The following PRKCE variants were observed in gnomAD, a reference collection of about 807,000 sequenced individuals.
PRKCE encodes the protein protein kinase C epsilon, also known as protein kinase C epsilon type.
PRKCE carries 16 observed loss-of-function variants against 85.4 expected under a neutral mutation model. The ratio of observed to expected loss-of-function variants is 0.19; its 90% confidence interval spans 0.13 to 0.28. PRKCE has a LOEUF of 0.28. Ranked by LOEUF, PRKCE falls within the 10% of genes least tolerant of loss-of-function variation. The pLI is 1.00. For missense variants in PRKCE, 573 were observed against 975.2 expected, an observed-to-expected ratio of 0.59 and a Z score of 5.49; for synonymous variants, 388 against 371.5, an observed-to-expected ratio of 1.04 and a Z score of -0.51.
chr2:45,981,061 G>T (rs143562277), intron 5 of PRKCE, among the ~76,000 whole-genome samples: 4 of 152,288 alleles, frequency 2.6e-5, no homozygotes, highest in African/African-American at 9.6e-5. Context: ...ACTGCACTAC[G>T]TTGTCTCTTA....
intron 1 of PRKCE, among the ~76,000 whole-genome samples, chr2:45,653,240 A>T (rs1447602023): frequency 1.3e-5 from 2 of 152,192 alleles, no homozygotes; most frequent in Non-Finnish European, 1.5e-5. Flanking sequence ...TGATTCCATT[A>T]TTAAACTATT....
intron 1 of PRKCE, among the ~76,000 whole-genome samples, chr2:45,655,568 G>T (rs1170136766): frequency 6.6e-6 from 1 of 152,138 alleles, no homozygotes; most frequent in African/African-American, 2.4e-5. Context: ...GCTCATGCCT[G>T]CAATCCCAAC....
chr2:45,782,502 C>T (rs1686268381), intron 1 of PRKCE, among the ~76,000 whole-genome samples: 1 of 152,166 alleles, frequency 6.6e-6, no homozygotes, highest in South Asian at 2.1e-4. Flanking sequence ...ACATATCCCA[C>T]ACGCGTCATA....
At chr2:46,102,793 A>G (rs1391007683) in intron 11 of PRKCE, among the ~76,000 whole-genome samples, 1 of 152,206 alleles carries the variant, frequency 6.6e-6, no homozygotes, top group African/African-American at 2.4e-5. Context: ...GGAATACCTC[A>G]GAGGTGAAGT....
chr2:45,677,923 G>A, intron 1 of PRKCE: 1 of 983,314 alleles, frequency 1.0e-6, no homozygotes, highest in Non-Finnish European at 1.2e-6. Flanking sequence ...ACCGGTAGGA[G>A]CATATCAGTA....
At chr2:45,997,762 G>T (rs922821331) in intron 6 of PRKCE, among the ~76,000 whole-genome samples, 2 of 152,138 alleles carry the variant, frequency 1.3e-5, no homozygotes, top group Non-Finnish European at 2.9e-5. Flanking sequence ...GGCCAGGCTG[G>T]TCTCAAACTC....
chr2:45,760,556 A>C (rs1684383060), intron 1 of PRKCE, among the ~76,000 whole-genome samples: 1 of 152,208 alleles, frequency 6.6e-6, no homozygotes, highest in African/African-American at 2.4e-5. Flanking sequence ...ATTGAACACC[A>C]AGGCGTGACA....
At chr2:45,836,381 C>T (rs1206146728) in intron 1 of PRKCE, among the ~76,000 whole-genome samples, 1 of 152,210 alleles carries the variant, frequency 6.6e-6, no homozygotes, top group African/African-American at 2.4e-5. Flanking sequence ...CTGCACACTA[C>T]CAATAGAGCA....
chr2:45,965,988 G>A (rs1701703030), intron 2 of PRKCE, among the ~76,000 whole-genome samples: 1 of 152,096 alleles, frequency 6.6e-6, no homozygotes, highest in African/African-American at 2.4e-5. Flanking sequence ...AAGGGCAGAT[G>A]TGTGGGGAGG....
intron 2 of PRKCE, among the ~76,000 whole-genome samples, chr2:45,918,887 G>T (rs59062717): frequency 0.01 from 1,553 of 152,268 alleles, 29 homozygotes; most frequent in African/African-American, 0.034. Context: ...GAGGTTGGAG[G>T]GTCTCACAGC....
intron 13 of PRKCE, among the ~76,000 whole-genome samples, chr2:46,152,491 C>T (rs1676742900): frequency 6.6e-6 from 1 of 151,764 alleles, no homozygotes; most frequent in African/African-American, 2.4e-5. Flanking sequence ...CTGTATTTTA[C>T]AAAGAAATTT....
intron 1 of PRKCE, among the ~76,000 whole-genome samples, chr2:45,669,182 T>C (rs1262878854): frequency 1.3e-5 from 2 of 152,138 alleles, no homozygotes; most frequent in African/African-American, 4.8e-5. Context: ...TATCACTGCT[T>C]ATCATATGAC....
In PRKCE at chr2:45,798,460, A is replaced by G. The variant is rs137925635; in HGVS notation, c.349-44540A>G. ...TTTTGTGGGACCTCCTGTAGGCGCT[A>G]AGGGAGAGCCATATACAATGTGTCC... On this transcript the variant is annotated intron_variant, in intron 1 of 14. Transcript: ENST00000306156. 3.8e-4 allele frequency among the ~76,000 whole-genome samples: 58 copies of G among 152,296 alleles called. No individual in the cohort carries two copies. The Middle Eastern group carries it at 0.01, about 27-fold the overall frequency.
intron 2 of PRKCE, among the ~76,000 whole-genome samples, chr2:45,891,078 A>T (rs1695687803): frequency 1.3e-5 from 2 of 152,132 alleles, no homozygotes; most frequent in South Asian, 4.1e-4. Flanking sequence ...GTTGGGTTTG[A>T]TATTGTGGTT....
In PRKCE at chr2:46,004,453, C is replaced by A; in HGVS notation, c.967-89C>A. 1.8e-6 allele frequency: 2 copies of A among 1,081,496 alleles called. No individual in the cohort carries two copies. The highest frequency in any genetic ancestry group is 2.7e-6 in the Non-Finnish European group (2 of 735,814). 67.0% of individuals were successfully genotyped at this position (1,081,496 alleles called of 1,614,324 possible). ...CCTGCTGCTCTGGGAACTCTCATGG[C>A]TCTTATACGGCATCTTGATGCTTTT... On this transcript the variant is annotated intron_variant, in intron 7 of 14. Coordinates refer to ENST00000306156, the MANE Select transcript of PRKCE (RefSeq NM_005400.3). The surrounding 1 kb of genome is among the most constrained non-coding windows in gnomAD (Gnocchi z 4.1).
intron 1 of PRKCE, among the ~76,000 whole-genome samples, chr2:45,694,750 G>A (rs1308388990): frequency 6.6e-6 from 1 of 152,190 alleles, no homozygotes; most frequent in Non-Finnish European, 1.5e-5. Context: ...TATGCTGGAA[G>A]CAATGTGGTG....
chr2:45,797,862 G>A (rs1396026685), intron 1 of PRKCE, among the ~76,000 whole-genome samples: 4 of 152,182 alleles, frequency 2.6e-5, no homozygotes, highest in Admixed American at 6.5e-5. Context: ...GGGGATCCAG[G>A]CCTTCTCATG....
intron 3 of PRKCE, 151 bp downstream of exon 3, chr2:45,976,739 A>T: frequency 1.0e-6 from 1 of 1,000,314 alleles, no homozygotes; most frequent in Non-Finnish European, 1.5e-6. Context: ...TGGAAGGCTA[A>T]GTGTGTGTTT....
intron 1 of PRKCE, among the ~76,000 whole-genome samples, chr2:45,821,612 T>C (rs1689538237): frequency 6.6e-6 from 1 of 151,986 alleles, no homozygotes; most frequent in African/African-American, 2.4e-5. Context: ...AGCATGAGGC[T>C]GATTTGGGGA....
Sources: allele counts gnomAD v4.1 joint callset (sites outside exome capture counted in the v4.1 genomes callset), GRCh38; gene constraint gnomAD v4.1.1; non-coding constraint Gnocchi (gnomAD v3.1); transcripts MANE v1.5; gene names NCBI Gene and HGNC (gene_info 2026-07-23, HGNC 2026-07-21).